Variants in MSI2 observed in about 807,000 individuals in gnomAD.
MSI2 encodes the protein RNA-binding protein Musashi homolog 2.
In MSI2, 17 loss-of-function variants were observed where a neutral mutation model predicts 45.6. The ratio of observed to expected loss-of-function variants is 0.37; its 90% CI spans 0.26 to 0.56. MSI2 has a LOEUF of 0.56. Ranked by LOEUF, MSI2 falls within the 20% of genes least tolerant of loss-of-function variation. The probability of loss-of-function intolerance (pLI) is 0.77; values close to 1 mark genes in which losing one functional copy is unlikely to be tolerated. For missense variants in MSI2, 293 were observed against 444.2 expected (o/e 0.66, Z 3.06); for synonymous variants, 156 against 158.2 (o/e 0.99, Z 0.11).
At chr17:57,284,120 G>A (rs935534268) in intron 5 of MSI2, among the ~76,000 whole-genome samples, 1 of 152,144 alleles carries the variant, frequency 6.6e-6, no homozygotes, top group African/African-American at 2.4e-5. Flanking sequence ...AAAGGGGCCC[G>A]CTGAGTTGAG....
chr17:57,479,045 G>C (rs1258615099), intron 6 of MSI2, among the ~76,000 whole-genome samples: 1 of 152,102 alleles, frequency 6.6e-6, no homozygotes, highest in Non-Finnish European at 1.5e-5. Flanking sequence ...AGAAGACTGT[G>C]TGTGCCCCAG....
At chr17:57,422,936 A>G (rs2084423642) in intron 6 of MSI2, among the ~76,000 whole-genome samples, 2 of 152,128 alleles carry the variant, frequency 1.3e-5, no homozygotes, top group South Asian at 4.1e-4. Flanking sequence ...TTTGTCCAGA[A>G]ATAGACACTG....
chr17:57,485,435 A>G (rs2085733270), intron 6 of MSI2, among the ~76,000 whole-genome samples: 1 of 152,074 alleles, frequency 6.6e-6, no homozygotes, highest in Non-Finnish European at 1.5e-5. Context: ...GCGTATCTGG[A>G]AAAAAACAGA....
At chr17:57,401,602 G>T (rs1188833493) in intron 6 of MSI2, 131 bp downstream of exon 6, 5 of 676,480 alleles carry the variant, frequency 7.4e-6, no homozygotes, top group Non-Finnish European at 1.0e-5. Flanking sequence ...TGGCCATCAT[G>T]ATTTAAGTGA....
At chr17:57,418,665 G>A (rs1453966294) in intron 6 of MSI2, among the ~76,000 whole-genome samples, 1 of 152,214 alleles carries the variant, frequency 6.6e-6, no homozygotes, top group Non-Finnish European at 1.5e-5. Flanking sequence ...TGCTCGTCAT[G>A]CAACACTTAT....
intron 6 of MSI2, among the ~76,000 whole-genome samples, chr17:57,504,803 C>A (rs772884368): frequency 2.0e-5 from 3 of 151,812 alleles, no homozygotes; most frequent in Non-Finnish European, 4.4e-5. Flanking sequence ...AGGTGGCAGG[C>A]GCCTGGAATC....
chr17:57,578,359 C>G (rs1045351919), intron 7 of MSI2, among the ~76,000 whole-genome samples: 2 of 152,130 alleles, frequency 1.3e-5, no homozygotes, highest in Admixed American at 6.6e-5. Flanking sequence ...AGGGGATCAT[C>G]TTTAAATTAT....
In MSI2 at chr17:57,682,326, C is replaced by CCT. The variant is rs957155824; in HGVS notation, c.*2810_*2811insTC. On this transcript the variant is annotated 3_prime_UTR_variant, in exon 14 of 14. Transcript: ENST00000284073. ...TACGGCGTTTTGTAGATCCCCCCCC[C>CCT]CCCACCCACTGTGAAGGGGTGCCAT... 1.2e-5 allele frequency: 2 copies of CCT among 173,686 alleles called. No homozygotes were observed. Among genetic ancestry groups the CCT allele is most frequent in the African/African-American group, 2.5e-5 (1 of 40,364 alleles). The allele number at this position is 173,686 out of a possible 1,614,324, so 10.8% of individuals were successfully genotyped here.
At chr17:57,527,955 C>G (rs1299892649) in intron 6 of MSI2, among the ~76,000 whole-genome samples, 4 of 152,182 alleles carry the variant, frequency 2.6e-5, no homozygotes, top group Non-Finnish European at 4.4e-5. Context: ...GAATAGCCCA[C>G]GATTCCTTTT....
chr17:57,277,072 T>C (rs1908929084), intron 5 of MSI2, among the ~76,000 whole-genome samples: 2 of 147,950 alleles, frequency 1.4e-5, no homozygotes. Flanking sequence ...TTTTTTTTTT[T>C]TGAGACAAAA....
intron 7 of MSI2, among the ~76,000 whole-genome samples, chr17:57,551,573 C>T (rs2087305863): frequency 6.6e-6 from 1 of 152,158 alleles, no homozygotes; most frequent in Non-Finnish European, 1.5e-5. Context: ...GCCCCAGGTG[C>T]ACCCATGGGG....
chr17:57,507,762 T>C (rs577949567), intron 6 of MSI2, among the ~76,000 whole-genome samples: 1 of 152,250 alleles, frequency 6.6e-6, no homozygotes, highest in East Asian at 1.9e-4. Context: ...CCATATGACG[T>C]CCACTCCGGT....
rs143537886 is a variant in MSI2, at chr17:57,551,039, T to C, written c.454+21315T>C. 5.6e-4 allele frequency among the ~76,000 whole-genome samples: 85 copies of C among 152,288 alleles called. 1 individual carries two copies. Among genetic ancestry groups the C allele is most frequent in the Middle Eastern group, 3.4e-3 (1 of 294 alleles). ...TTTAATGATTAAAGAGAAAGAATGG[T>C]TATTATTCACATGAATGACCTTCTC... is the stretch of plus-strand genomic sequence containing the variant. On this transcript the variant is annotated intron_variant, in intron 7 of 13. Coordinates refer to ENST00000284073, the MANE Select transcript of MSI2 (RefSeq NM_138962.4).
chr17:57,550,372 T>G (rs1318463248), intron 7 of MSI2, among the ~76,000 whole-genome samples: 1 of 152,160 alleles, frequency 6.6e-6, no homozygotes, highest in Non-Finnish European at 1.5e-5. Context: ...TCTTCTCCTT[T>G]GTTAACAAAA....
chr17:57,333,440 CG>C (rs776131491), intron 5 of MSI2, among the ~76,000 whole-genome samples: 3,298 of 147,466 alleles, frequency 0.022, 135 homozygotes, highest in African/African-American at 0.078. Context: ...TGATTTGTAC[CG>C]TTTTTTTTTT....
chr17:57,492,304 T>G (rs2085889136), intron 6 of MSI2, among the ~76,000 whole-genome samples: 1 of 152,232 alleles, frequency 6.6e-6, no homozygotes. Flanking sequence ...ACTCAGTATC[T>G]TTCTTCTCCA....
chr17:57,490,892 G>GT (rs55758229), intron 6 of MSI2, among the ~76,000 whole-genome samples: 111,081 of 151,966 alleles, frequency 0.73, 40,746 homozygotes, highest in South Asian at 0.81. Flanking sequence ...CTTCCCCTCT[G>GT]TTTTTTTCTT....
intron 10 of MSI2, among the ~76,000 whole-genome samples, chr17:57,635,333 G>A (rs1290365083): frequency 6.6e-6 from 1 of 152,248 alleles, no homozygotes; most frequent in African/African-American, 2.4e-5. Context: ...GTGAGTCAGA[G>A]GGGTTTGGAG....
chr17:57,687,818 T>C (rs1913913272), downstream of MSI2, among the ~76,000 whole-genome samples: 1 of 152,070 alleles, frequency 6.6e-6, no homozygotes, highest in Non-Finnish European at 1.5e-5. Context: ...ATTTGAAATA[T>C]GATTTTAGCT....
Sources: allele counts gnomAD v4.1 joint callset (sites outside exome capture counted in the v4.1 genomes callset), GRCh38; gene constraint gnomAD v4.1.1; transcripts MANE v1.5; gene names NCBI Gene and HGNC (gene_info 2026-07-23, HGNC 2026-07-21).